Variants in ZC3H12B observed in about 807,000 individuals in gnomAD.
ZC3H12B encodes zinc finger CCCH-type containing 12B.
In ZC3H12B, 7 loss-of-function variants were observed where a neutral mutation model predicts 43.9. The ratio of observed to expected loss-of-function variants is 0.16; its 90% CI spans 0.09 to 0.30. ZC3H12B has a LOEUF of 0.30. Among genes scored for constraint, ZC3H12B ranks in the 10% least tolerant of loss-of-function variants. The probability of loss-of-function intolerance (pLI) is 1.00; values close to 1 mark genes in which losing one functional copy is unlikely to be tolerated. For missense variants in ZC3H12B, 475 were observed against 670.2 expected, an observed-to-expected ratio of 0.71 and a Z score of 3.22; for synonymous variants, 222 against 241.7, an observed-to-expected ratio of 0.92 and a Z score of 0.76.
chrX:65,466,947 T>C (rs868386359), intron 3 of ZC3H12B, among the ~76,000 whole-genome samples: 2 of 69,601 alleles, frequency 2.9e-5, no homozygotes, highest in African/African-American at 4.4e-5. Flanking sequence ...TATATATATA[T>C]ATATATATAT....
At chrX:65,255,206 C>A in the ZC3H12B span, among the ~76,000 whole-genome samples, 3 of 111,105 alleles carry the variant, frequency 2.7e-5, no homozygotes, top group South Asian at 3.8e-4. Context: ...ATGGAGAAAA[C>A]CCCTGTGAGG....
At chrX:65,045,642 T>C in the ZC3H12B span, among the ~76,000 whole-genome samples, 1 of 111,965 alleles carries the variant, frequency 8.9e-6, no homozygotes, top group Non-Finnish European at 1.9e-5. Context: ...TCCATGGGGA[T>C]TGGATCCACT....
At chrX:65,207,406 T>C in the ZC3H12B span, among the ~76,000 whole-genome samples, 9 of 110,386 alleles carry the variant, frequency 8.2e-5, no homozygotes, top group African/African-American at 3.0e-4. Context: ...CATCATATGT[T>C]CTCAGTGATA....
the ZC3H12B span, among the ~76,000 whole-genome samples, chrX:65,169,444 T>G: frequency 8.9e-6 from 1 of 112,017 alleles, no homozygotes; most frequent in Non-Finnish European, 1.9e-5. Context: ...GAGGAGTGCT[T>G]TACTTCCAAC....
At chrX:65,408,559 G>T in intron 3 of ZC3H12B, 3 of 1,188,747 alleles carry the variant, frequency 2.5e-6, no homozygotes, top group Non-Finnish European at 3.4e-6. Flanking sequence ...CGCCCCTCGG[G>T]GGCAGTGCCG....
At chrX:65,355,408 A>C in the ZC3H12B span, among the ~76,000 whole-genome samples, 1 of 112,067 alleles carries the variant, frequency 8.9e-6, no homozygotes, top group Non-Finnish European at 1.9e-5. Flanking sequence ...ATTTTAATAC[A>C]TTAATTTTTT....
the ZC3H12B span, among the ~76,000 whole-genome samples, chrX:65,214,082 C>T: frequency 9.0e-6 from 1 of 110,825 alleles, no homozygotes; most frequent in Non-Finnish European, 1.9e-5. Context: ...TACTTTATTG[C>T]TAAAAATGCT....
the ZC3H12B span, among the ~76,000 whole-genome samples, chrX:65,077,234 G>T: frequency 3.6e-5 from 4 of 111,560 alleles, no homozygotes; most frequent in Admixed American, 3.8e-4. Context: ...CTGGGCTACC[G>T]GGTGTCATTG....
At chrX:65,352,176 T>A in the ZC3H12B span, among the ~76,000 whole-genome samples, 1 of 112,010 alleles carries the variant, frequency 8.9e-6, no homozygotes, top group African/African-American at 3.2e-5. Context: ...GGGACATGGA[T>A]GATGCTGGAA....
At chrX:65,225,810 A>C in the ZC3H12B span, among the ~76,000 whole-genome samples, 2 of 111,823 alleles carry the variant, frequency 1.8e-5, no homozygotes, top group Non-Finnish European at 3.8e-5. Flanking sequence ...TGAAGTGAGA[A>C]GGGAAGTTTA....
chrX:65,332,052 C>T, the ZC3H12B span, among the ~76,000 whole-genome samples: 256 of 111,016 alleles, frequency 2.3e-3, 2 homozygotes, highest in African/African-American at 7.8e-3. Flanking sequence ...ACTAAGAATG[C>T]CTTATCCTGG....
the ZC3H12B span, among the ~76,000 whole-genome samples, chrX:65,101,504 TAAA>T: frequency 1.8e-5 from 2 of 111,069 alleles, no homozygotes; most frequent in Non-Finnish European, 3.8e-5. Flanking sequence ...GCTAGACTAA[TAAA>T]GAAGAAAAGA....
At chrX:65,223,255 C>A in the ZC3H12B span, among the ~76,000 whole-genome samples, 2 of 110,616 alleles carry the variant, frequency 1.8e-5, no homozygotes, top group South Asian at 7.7e-4. Context: ...TTATGGATCA[C>A]TGCAGATCAC....
the ZC3H12B span, among the ~76,000 whole-genome samples, chrX:65,115,052 TTTTTA>T: frequency 8.7e-5 from 9 of 103,305 alleles, no homozygotes; most frequent in African/African-American, 3.6e-4. Flanking sequence ...TTTTTATTTT[TTTTTA>T]TTTTTCTGTT....
chrX:65,117,229 C>T, the ZC3H12B span, among the ~76,000 whole-genome samples: 7 of 111,683 alleles, frequency 6.3e-5, no homozygotes, highest in Non-Finnish European at 1.3e-4. Flanking sequence ...CTGTTGTTTC[C>T]TGACTTTTTA....
the ZC3H12B span, among the ~76,000 whole-genome samples, chrX:65,222,739 A>G: frequency 9.0e-6 from 1 of 110,519 alleles, no homozygotes; most frequent in Non-Finnish European, 1.9e-5. Context: ...CATAGATGAC[A>G]CAAAGAAATG....
chrX:65,273,187 C>G, the ZC3H12B span, among the ~76,000 whole-genome samples: 2 of 112,049 alleles, frequency 1.8e-5, no homozygotes, highest in African/African-American at 6.5e-5. Flanking sequence ...TATATTGACA[C>G]AATCTAAAGA....
At chrX:65,275,466 A>G in the ZC3H12B span, among the ~76,000 whole-genome samples, 1 of 113,008 alleles carries the variant, frequency 8.8e-6, no homozygotes, top group East Asian at 2.8e-4. Flanking sequence ...AAGTTGACTG[A>G]CCCACTATCT....
chrX:65,241,590 C>A, the ZC3H12B span, among the ~76,000 whole-genome samples: 1 of 112,589 alleles, frequency 8.9e-6, no homozygotes, highest in African/African-American at 3.2e-5. Context: ...GTAGTCTGGC[C>A]ATGATCTGGC....
Sources: allele counts gnomAD v4.1 joint callset (sites outside exome capture counted in the v4.1 genomes callset), GRCh38; gene constraint gnomAD v4.1.1; transcripts MANE v1.5; gene names NCBI Gene and HGNC (gene_info 2026-07-23, HGNC 2026-07-21).